OAS3: variants seen among roughly 807,000 people sequenced by gnomAD.
OAS3 encodes 2'-5'-oligoadenylate synthase 3.
OAS3 carries 107 observed loss-of-function variants against 113.0 expected under a neutral mutation model. That is an observed-to-expected ratio of 0.95 (90% CI 0.81 to 1.11). The LOEUF (loss-of-function observed/expected upper bound fraction) is 1.11. Ranked by LOEUF, OAS3 falls within the 50% of genes most tolerant of loss-of-function variation. The pLI is 0.00. For synonymous variants in OAS3, 552 were observed against 573.6 expected (o/e 0.96, Z 0.54); for missense variants, 1,258 against 1,389.1 (o/e 0.91, Z 1.50).
chr12:112,938,740 A>AAAGGGCG (rs1199009480), intron 1 of OAS3, 33 bp downstream of exon 1: 7 of 1,476,624 alleles, frequency 4.7e-6, no homozygotes, highest in Non-Finnish European at 6.3e-6. Flanking sequence ...TTATGTGTCC[A>AAAGGGCG]AAGGGGAGTC....
intron 7 of OAS3, 140 bp downstream of exon 7, chr12:112,951,115 A>G: frequency 2.7e-6 from 2 of 739,426 alleles, no homozygotes; most frequent in Non-Finnish European, 4.3e-6. Context: ...ACTGAAAGTA[A>G]TCATCACCAT....
At position 112,938,673 on chromosome 12, in the gene OAS3, G is replaced by A. The variant is rs1275386699; in HGVS notation, c.143G>A (p.Gly48Asp). Residue 48 changes from glycine to aspartate, a missense_variant, in exon 1 of 16, where the codon GGT (glycine) becomes GAT (aspartate). Coordinates refer to ENST00000228928, the MANE Select transcript of OAS3 (RefSeq NM_006187.4). ...CTGAGGGAGCGCGGGGGCCGCCTCG[G>A]TGCTGCTGCCCCGCGGGTGCTGAAA... ...AALRERGGRL[G>D]AAAPRVLKTV... 1.3e-6 allele frequency: 2 copies of A among 1,584,428 alleles called. No individual in the cohort carries two copies. Among genetic ancestry groups the A allele is most frequent in the South Asian group, 1.1e-5 (1 of 87,956 alleles).
intron 7 of OAS3, among the ~76,000 whole-genome samples, chr12:112,958,507 G>A (rs1018006398): frequency 1.4e-4 from 22 of 152,240 alleles, no homozygotes; most frequent in East Asian, 5.8e-4. Flanking sequence ...TGATGGTGAC[G>A]TACAGATGGG....
intron 1 of OAS3, 102 bp downstream of exon 1, chr12:112,938,809 G>A (rs2043653837): frequency 2.2e-6 from 2 of 919,694 alleles, no homozygotes; most frequent in East Asian, 3.0e-5. Flanking sequence ...ATCCGCTTGT[G>A]CACCTCATTC....
intron 2 of OAS3, 60 bp downstream of exon 2, chr12:112,941,912 G>A: frequency 6.2e-7 from 1 of 1,605,364 alleles, no homozygotes; most frequent in Non-Finnish European, 8.5e-7. Context: ...AACAACACAG[G>A]ACTTCCAATT....
chr12:112,969,605 C>T lies in OAS3; in HGVS notation c.3105-3C>T, dbSNP rs745847791. 1.3e-6 allele frequency: 2 copies of T among 1,595,160 alleles called. No homozygotes were observed. The highest frequency in any genetic ancestry group is 1.7e-6 in the Non-Finnish European group (2 of 1,170,240). On this transcript the variant is annotated splice_region_variant and splice_polypyrimidine_tract_variant and intron_variant, in intron 14 of 15. Coordinates refer to ENST00000228928, the MANE Select transcript of OAS3 (RefSeq NM_006187.4). ...TAAGACTGTCCCTGGGTGGGAATTG[C>T]AGGCCTATCATCCTGGATCCGGCTG...
chr12:112,957,676 TG>T (rs1164482860), intron 7 of OAS3, among the ~76,000 whole-genome samples: 1 of 152,262 alleles, frequency 6.6e-6, no homozygotes, highest in African/African-American at 2.4e-5. Flanking sequence ...CACTCTCTTC[TG>T]GCTTGTAGAG....
intron 3 of OAS3, 115 bp from the exon 4 acceptor site, chr12:112,946,628 A>T: frequency 2.3e-6 from 2 of 872,316 alleles, no homozygotes; most frequent in Non-Finnish European, 3.6e-6. Flanking sequence ...CAGGCTTGGA[A>T]CACAGCATCT....
intron 3 of OAS3, among the ~76,000 whole-genome samples, chr12:112,946,422 A>AC (rs1298015286): frequency 6.6e-6 from 1 of 151,988 alleles, no homozygotes; most frequent in Non-Finnish European, 1.5e-5. Flanking sequence ...CGCAACTGGG[A>AC]CCCCAGATCT....
intron 14 of OAS3, 70 bp downstream of exon 14, chr12:112,968,244 G>A: frequency 5.9e-6 from 9 of 1,517,118 alleles, no homozygotes; most frequent in Non-Finnish European, 8.0e-6. Context: ...TTTCTAGATT[G>A]CAGAGCAGAG....
intron 3 of OAS3, among the ~76,000 whole-genome samples, chr12:112,946,511 A>G (rs2043730558): frequency 6.6e-6 from 1 of 151,992 alleles, no homozygotes; most frequent in South Asian, 2.1e-4. Flanking sequence ...CCTCCTTGGG[A>G]CTTGAAACTT....
chr12:112,961,728 G>A (rs1438324324), intron 8 of OAS3, among the ~76,000 whole-genome samples: 1 of 151,676 alleles, frequency 6.6e-6, no homozygotes, highest in Non-Finnish European at 1.5e-5. Context: ...TGGGCTTCTG[G>A]ATCAAGCTGT....
At chr12:112,940,968 A>T (rs576604874) in intron 1 of OAS3, among the ~76,000 whole-genome samples, 1 of 152,282 alleles carries the variant, frequency 6.6e-6, no homozygotes, top group Admixed American at 6.5e-5. Context: ...GTGCCACTGC[A>T]CTCCAGCCTA....
At chr12:112,940,810 C>G (rs1456393204) in intron 1 of OAS3, among the ~76,000 whole-genome samples, 1 of 152,146 alleles carries the variant, frequency 6.6e-6, no homozygotes, top group Non-Finnish European at 1.5e-5. Context: ...CGAGACCAGT[C>G]TGGCCAACAT....
At chr12:112,949,244 G>T in intron 6 of OAS3, 39 bp downstream of exon 6, 1 of 1,564,022 alleles carries the variant, frequency 6.4e-7, no homozygotes, top group South Asian at 1.1e-5. Context: ...GGACCCTATC[G>T]AGGGATCAGC....
chr12:112,962,842 A>G lies in OAS3; in HGVS notation c.2024A>G (p.Asn675Ser), dbSNP rs773810898. The part of the protein sequence containing the change: ...HQQLCVYWTV[N>S]YSTEDPAMRM... The stretch of plus-strand genomic sequence containing the variant: ...CAGCTCTGTGTCTACTGGACGGTCA[A>G]CTATAGCACTGAGGACCCAGCCATG... Residue 675 changes from asparagine (N) to serine (S), a missense_variant, in exon 9 of 16, where the codon AAC (asparagine) becomes AGC (serine). Physicochemically the swap from Asn to Ser is conservative, Grantham distance 46. Coordinates refer to ENST00000228928, the MANE Select transcript of OAS3 (RefSeq NM_006187.4). The G allele has an allele frequency of 6.2e-7, 1 of 1,614,000 alleles. No individual in the cohort carries two copies. Among genetic ancestry groups the G allele is most frequent in the Non-Finnish European group, 8.5e-7 (1 of 1,179,898 alleles).
chr12:112,939,306 CTTTTTTTTTTTTTTT>C (rs58792765), intron 1 of OAS3, among the ~76,000 whole-genome samples: 3 of 68,254 alleles, frequency 4.4e-5, no homozygotes, highest in African/African-American at 5.5e-5. Context: ...TGAGTCACAT[CTTTTTTTTTTTTTTT>C]TTTTTTTTTT....
chr12:112,964,805 C>A (rs1192229249), intron 11 of OAS3, among the ~76,000 whole-genome samples: 1 of 152,134 alleles, frequency 6.6e-6, no homozygotes. Context: ...TTTGGCAGCT[C>A]TAAGCTTCCA....
At chr12:112,965,708 C>A in intron 11 of OAS3, 36 bp from the exon 12 acceptor site, 1 of 1,579,582 alleles carries the variant, frequency 6.3e-7, no homozygotes, top group Non-Finnish European at 8.6e-7. Flanking sequence ...CTAAGCCATG[C>A]TTCAAGGGTT....
Sources: allele counts gnomAD v4.1 joint callset (sites outside exome capture counted in the v4.1 genomes callset), GRCh38; gene constraint gnomAD v4.1.1; transcripts MANE v1.5; gene names NCBI Gene and HGNC (gene_info 2026-07-23, HGNC 2026-07-21).